Variants in ZYG11B observed in about 807,000 individuals in gnomAD.
The protein encoded by ZYG11B is protein zyg-11 homolog B.
ZYG11B carries 36 observed loss-of-function variants against 82.4 expected under a neutral mutation model. That is an observed-to-expected ratio of 0.44 (90% confidence interval 0.33 to 0.58). The LOEUF (loss-of-function observed/expected upper bound fraction) is 0.58, where lower values mean the gene tolerates loss of function less well. ZYG11B is among the 20% of genes least tolerant of loss of function. The pLI is 0.02. For missense variants in ZYG11B, 552 were observed against 895.6 expected, an observed-to-expected ratio of 0.62 and a Z score of 4.90; for synonymous variants, 303 against 312.8, an observed-to-expected ratio of 0.97 and a Z score of 0.33.
intron 10 of ZYG11B, 138 bp downstream of exon 10, chr1:52,802,277 T>G: frequency 4.6e-6 from 3 of 651,318 alleles, no homozygotes; most frequent in Non-Finnish European, 7.8e-6. Context: ...TTGAGAACTA[T>G]TCCCAATACC....
chr1:52,738,985 C>CTTCTTTTTT (rs1247210990), intron 1 of ZYG11B, among the ~76,000 whole-genome samples: 4 of 106,308 alleles, frequency 3.8e-5, no homozygotes, highest in African/African-American at 1.6e-4. Flanking sequence ...GCCCTGTAAC[C>CTTCTTTTTT]TTTTTTTTTT....
At chr1:52,757,205 G>A (rs948258148) in intron 2 of ZYG11B, among the ~76,000 whole-genome samples, 2 of 151,788 alleles carry the variant, frequency 1.3e-5, no homozygotes, top group Non-Finnish European at 2.9e-5. Context: ...TAGAGATAAG[G>A]TCTCACTCTG....
chr1:52,817,535 G>A (rs763624635), intron 13 of ZYG11B, among the ~76,000 whole-genome samples: 59 of 151,138 alleles, frequency 3.9e-4, no homozygotes, highest in Non-Finnish European at 6.6e-4. Context: ...ACAAGTGCAC[G>A]TCACCATACC....
intron 1 of ZYG11B, among the ~76,000 whole-genome samples, chr1:52,739,342 T>C (rs1644404953): frequency 1.3e-5 from 2 of 152,190 alleles, no homozygotes; most frequent in South Asian, 4.1e-4. Context: ...CCTCCATTTT[T>C]AAATTTGTAA....
chr1:52,728,461 T>C (rs1644303169), intron 1 of ZYG11B, among the ~76,000 whole-genome samples: 4 of 152,326 alleles, frequency 2.6e-5, no homozygotes, highest in Admixed American at 2.0e-4. Context: ...TCTTGCTGTG[T>C]TGCCCAGTCT....
At chr1:52,787,089 C>G (rs1462521929) in intron 5 of ZYG11B, among the ~76,000 whole-genome samples, 1 of 112,694 alleles carries the variant, frequency 8.9e-6, no homozygotes, top group African/African-American at 3.7e-5. Context: ...AAACTCTTGT[C>G]TCAAAAAAAA....
At chr1:52,776,248 A>ATATATATATATATATATAT (rs1425431576) in intron 3 of ZYG11B, among the ~76,000 whole-genome samples, 26 of 94,734 alleles carry the variant, frequency 2.7e-4, no homozygotes, top group Non-Finnish European at 4.3e-4. Context: ...ATATATATGC[A>ATATATATATATATATATAT]ATAAAGTTGG....
chr1:52,788,845 T>C (rs1421385641), intron 5 of ZYG11B, among the ~76,000 whole-genome samples: 2 of 152,220 alleles, frequency 1.3e-5, no homozygotes, highest in African/African-American at 4.8e-5. Flanking sequence ...ACAGGAGGGA[T>C]GGGCTTTCTA....
At chr1:52,799,253 C>T (rs949250300) in intron 8 of ZYG11B, among the ~76,000 whole-genome samples, 2 of 151,828 alleles carry the variant, frequency 1.3e-5, no homozygotes, top group Non-Finnish European at 2.9e-5. Flanking sequence ...TCTGGGAGGC[C>T]GAGGCGGGTG....
rs747903078 is a variant in ZYG11B, at chr1:52,781,135, A to AAAC, written c.1092+1161_1092+1163dup. On this transcript the variant is annotated intron_variant, in intron 4 of 13. Coordinates refer to ENST00000294353, the MANE Select transcript of ZYG11B (RefSeq NM_024646.3). ...TGAGCAACAGAGCAAGACTCTCTCAAAACAACAACAACAACAACAACCAAA... is the reference window on the plus strand; with the variant it reads ...TGAGCAACAGAGCAAGACTCTCTCAAAACAACAACAACAACAACAACAACCAAA... Among the ~76,000 whole-genome samples, 26 of 152,114 alleles carry AAAC rather than the reference A, an allele frequency of 1.7e-4. No individual in the cohort carries two copies. In the East Asian group the frequency reaches 2.1e-3, roughly 12 times the overall value.
At chr1:52,817,815 ATTTTTTTTTTTTTTTTTTTTTTTTTT>A (rs1176871667) in intron 13 of ZYG11B, among the ~76,000 whole-genome samples, 47 of 27,644 alleles carry the variant, frequency 1.7e-3, no homozygotes, top group East Asian at 8.3e-3. Context: ...ATATATATAT[ATTTTTTTTTTTTTTTTTTTTTTTTTT>A]TTTTTTTTTT....
chr1:52,756,386 T>A, intron 1 of ZYG11B, 72 bp from the exon 2 acceptor site: 1 of 1,450,544 alleles, frequency 6.9e-7, no homozygotes, highest in South Asian at 1.2e-5. Flanking sequence ...AATGAATGTT[T>A]TGTTCTCTGC....
rs188492177 is a variant in ZYG11B, at chr1:52,786,026, C to T, written c.1269+973C>T. 9.9e-4 allele frequency among the ~76,000 whole-genome samples: 151 copies of T among 152,044 alleles called. 1 individual carries two copies. Among genetic ancestry groups the T allele is most frequent in the African/African-American group, 3.4e-3 (143 of 41,462 alleles). On this transcript the variant is annotated intron_variant, in intron 5 of 13. Coordinates refer to ENST00000294353, the MANE Select transcript of ZYG11B (RefSeq NM_024646.3). ...AAAAGGGAGCTATAAATAAGTCTGC[C>T]TATGTTAGAGAAACAACAAAAGAAT...
chr1:52,727,040 T>G (rs981873435), intron 1 of ZYG11B, among the ~76,000 whole-genome samples: 1 of 152,046 alleles, frequency 6.6e-6, no homozygotes, highest in Non-Finnish European at 1.5e-5. Context: ...TCTTATGTGA[T>G]TTTTACTTTC....
chr1:52,769,423 G>A (rs545989330), intron 2 of ZYG11B, among the ~76,000 whole-genome samples: 1 of 152,250 alleles, frequency 6.6e-6, no homozygotes, highest in East Asian at 1.9e-4. Flanking sequence ...AAAAAATTGA[G>A]ATACTTTACA....
chr1:52,782,937 T>TG (rs1371480620), intron 4 of ZYG11B, among the ~76,000 whole-genome samples: 9 of 150,912 alleles, frequency 6.0e-5, no homozygotes, highest in Admixed American at 5.9e-4. Flanking sequence ...ATTCCTTTTT[T>TG]TTTTTTTGAG....
chr1:52,802,713 A>G (rs932884236), intron 10 of ZYG11B, among the ~76,000 whole-genome samples: 4 of 151,588 alleles, frequency 2.6e-5, no homozygotes, highest in South Asian at 4.2e-4. Flanking sequence ...GAGAGAGAGA[A>G]AGAAAGAAAG....
At chr1:52,811,761 T>G (rs1359969598) in intron 10 of ZYG11B, among the ~76,000 whole-genome samples, 1 of 152,150 alleles carries the variant, frequency 6.6e-6, no homozygotes, top group Admixed American at 6.5e-5. Context: ...CCAGGCGCGG[T>G]GGCGCATGCC....
At chr1:52,776,229 A>AAATATAT in intron 3 of ZYG11B, among the ~76,000 whole-genome samples, 617 of 23,568 alleles carry the variant, frequency 0.026, 45 homozygotes, top group African/African-American at 0.056. Context: ...TAAAAAAAAA[A>AAATATAT]ATATATATAT....
Sources: allele counts gnomAD v4.1 joint callset (sites outside exome capture counted in the v4.1 genomes callset), GRCh38; gene constraint gnomAD v4.1.1; transcripts MANE v1.5; gene names NCBI Gene and HGNC (gene_info 2026-07-23, HGNC 2026-07-21).